NPHS1: variants seen among roughly 807,000 people sequenced by gnomAD.
NPHS1 encodes the protein nephrin.
Under a neutral mutation model 139.7 loss-of-function variants are expected in NPHS1, and 107 were observed. That is an observed-to-expected ratio of 0.77 (90% CI 0.66 to 0.90). NPHS1 has a LOEUF of 0.90. Ranked by LOEUF, NPHS1 falls within the 40% of genes least tolerant of loss-of-function variation. NPHS1 has a pLI of 0.00. For synonymous variants in NPHS1, 707 were observed against 706.6 expected (o/e 1.00, Z -0.01); for missense variants, 1,580 against 1,654.2 (o/e 0.96, Z 0.78).
chr19:35,849,098 A>G lies in NPHS1; in HGVS notation c.890T>C (p.Val297Ala). 6.2e-7 allele frequency: 1 copy of G among 1,608,950 alleles called. No individual in the cohort carries two copies. Among genetic ancestry groups the G allele is most frequent in the Non-Finnish European group, 8.5e-7 (1 of 1,179,414 alleles). Residue 297 changes from valine (V) to alanine (A), a missense_variant, in exon 8 of 29, where the codon GTG becomes GCG. By Grantham distance (64) the Val-to-Ala change is moderately conservative. Coordinates refer to ENST00000378910, the MANE Select transcript of NPHS1 (RefSeq NM_004646.4). ...GGTCATCACCAGCACACTGCGGGCC[A>G]CCGCCTGGGTGTGCTCTGTGCCCCA... Reference protein sequence around the residue: ...TAWGTEHTQAVARSVLVMTVR... With the variant: ...TAWGTEHTQAAARSVLVMTVR...
At position 35,842,212 on chromosome 19, in the gene NPHS1, C is replaced by G. The variant is rs2146819455; in HGVS notation, c.2575G>C (p.Ala859Pro). 1 of 1,612,944 alleles carries G rather than the reference C, an allele frequency of 6.2e-7. No individual in the cohort carries two copies. Among genetic ancestry groups the G allele is most frequent in the East Asian group, 2.2e-5 (1 of 44,872 alleles). The stretch of plus-strand genomic sequence containing the variant: ...CCTCGGGCACGGCAGTGGAGGGTGG[C>G]AGAACTGGTGCTGTCTCCAGCTGCA... ...VAAAGDSTSS[A>P]TLHCRARGVP... Residue 859 changes from alanine to proline, a missense_variant, in exon 19 of 29, where the codon GCC (alanine) becomes CCC (proline). Ala to Pro is a conservative substitution (Grantham distance 27, BLOSUM62 -1). Coordinates refer to ENST00000378910, the MANE Select transcript of NPHS1 (RefSeq NM_004646.4).
rs746586540 is a variant in NPHS1 at position 35,842,231 on chromosome 19, A to C, written c.2556T>G (p.Ala852=). 17 of 1,613,298 alleles carry C rather than the reference A, an allele frequency of 1.1e-5. No individual in the cohort carries two copies. The highest frequency in any genetic ancestry group is 8.5e-7 in the Non-Finnish European group (1 of 1,179,860). The change falls in exon 19 of 29, where the codon GCT becomes GCG. Residue 852 remains alanine (A), a synonymous_variant. Transcript: ENST00000378910. The stretch of plus-strand genomic sequence containing the variant: ...GGGTGGCAGAACTGGTGCTGTCTCC[A>C]GCTGCAGCCACCTTAGTTAGGGGAG... ...HPTPLTKVAA[A]GDSTSSATLH...
At chr19:35,834,895 T>TA (rs1320346109) in intron 23 of NPHS1, among the ~76,000 whole-genome samples, 1 of 117,046 alleles carries the variant, frequency 8.5e-6, no homozygotes, top group Non-Finnish European at 1.8e-5. Flanking sequence ...TCTCAAAAAA[T>TA]AAAAAAATAA....
Position 35,844,409 on chromosome 19 carries a change from G to T in NPHS1, c.1981C>A (p.Gln661Lys). 2 of 1,606,750 alleles carry T rather than the reference G, an allele frequency of 1.2e-6. No individual in the cohort carries two copies. Among genetic ancestry groups the T allele is most frequent in the Non-Finnish European group, 1.7e-6 (2 of 1,177,098 alleles). ...EQVLVVTAVE[Q>K]GEALLPVSVS... ...GACACGGGCAGCAACGCCTCGCCCTGCTCCACCGCGGTCACCACCAGCACC... is the reference window on the plus strand; with the variant it reads ...GACACGGGCAGCAACGCCTCGCCCTTCTCCACCGCGGTCACCACCAGCACC... Residue 661 changes from glutamine to lysine, a missense_variant, in exon 15 of 29, where the codon CAG becomes AAG. Gln to Lys is a moderately conservative substitution (Grantham distance 53). Coordinates refer to ENST00000378910, the MANE Select transcript of NPHS1 (RefSeq NM_004646.4).
At chr19:35,849,424 C>A in intron 6 of NPHS1, 61 bp from the exon 7 acceptor site, 8 of 1,600,562 alleles carry the variant, frequency 5.0e-6, no homozygotes, top group Middle Eastern at 2.0e-4. Flanking sequence ...CCAGGCCCCA[C>A]AACCTGCCTT....
chr19:35,836,063 A>C (rs1353330770), intron 22 of NPHS1, among the ~76,000 whole-genome samples: 2 of 145,754 alleles, frequency 1.4e-5, no homozygotes, highest in Non-Finnish European at 1.5e-5. Flanking sequence ...GGGTTCAAGC[A>C]ATTCTCCTGC....
At chr19:35,844,490 T>C (rs1425882063) in intron 14 of NPHS1, 31 bp from the exon 15 acceptor site, 3 of 1,429,430 alleles carry the variant, frequency 2.1e-6, no homozygotes, top group African/African-American at 3.7e-5. Context: ...GGAGTCAAGA[T>C]TGTTGTTAAG....
rs577448205 is a variant in NPHS1, at chr19:35,848,843, G to A, written c.1013-49C>T. ...ACTAAGCTGGGCTGGATTTCTCACA[G>A]ACCAGCCCAGACAGAACAGGACTGG... On this transcript the variant is annotated intron_variant, in intron 8 of 28. Coordinates refer to ENST00000378910, the MANE Select transcript of NPHS1 (RefSeq NM_004646.4). The A allele has an allele frequency of 1.2e-5, 19 of 1,612,970 alleles. No individual in the cohort carries two copies. In the Admixed American group the frequency reaches 3.0e-4, roughly 25 times the overall value.
chr19:35,850,291 G>C (rs1973218162), intron 5 of NPHS1, 73 bp downstream of exon 5: 3 of 1,178,814 alleles, frequency 2.5e-6, no homozygotes, highest in African/African-American at 3.0e-5. Context: ...CTTCATGCTT[G>C]CATCCCTGGG....
chr19:35,831,428 C>T lies in NPHS1; in HGVS notation c.3311+48G>A, dbSNP rs113474483. 1,104 of 1,613,562 alleles carry T rather than the reference C, an allele frequency of 6.8e-4. 9 individuals are homozygous for T. The African/African-American group carries it at 0.014, about 20-fold the overall frequency. ...GTGCTGCCCCCCGCCACCAGTCTCC[C>T]CCAAACCTCCCTCAGAGCCTTCTTT... is the stretch of plus-strand genomic sequence containing the variant. On this transcript the variant is annotated intron_variant, in intron 25 of 28. Coordinates refer to ENST00000378910, the MANE Select transcript of NPHS1 (RefSeq NM_004646.4).
At chr19:35,847,358 T>G in intron 11 of NPHS1, among the ~76,000 whole-genome samples, 1 of 135,266 alleles carries the variant, frequency 7.4e-6, no homozygotes, top group East Asian at 2.1e-4. Context: ...TTTTTTTTTT[T>G]TTTTTTTTTT....
chr19:35,831,241 C>T, intron 26 of NPHS1, 55 bp downstream of exon 26: 1 of 1,608,134 alleles, frequency 6.2e-7, no homozygotes. Flanking sequence ...AACGGCAGGG[C>T]TTCAGTCGCC....
At position 35,831,095 on chromosome 19, in the gene NPHS1, G is replaced by T. The variant is rs201410838; in HGVS notation, c.3439C>A (p.Pro1147Thr). The change falls in exon 27 of 29, where the codon CCC (proline) becomes ACC (threonine). Residue 1147 changes from proline to threonine, a missense_variant. Transcript: ENST00000378910. ...TCCTCCTGCGTCGGGGGCAGCTGGGGGCTGAAGTCCCTCAGGGAGCGGTAA... is the reference window on the plus strand; with the variant it reads ...TCCTCCTGCGTCGGGGGCAGCTGGGTGCTGAAGTCCCTCAGGGAGCGGTAA... ...PYYRSLRDFS[P>T]QLPPTQEEVS... The T allele has an allele frequency of 3.0e-5, 48 of 1,614,154 alleles. No homozygotes were observed. The Admixed American group carries it at 4.3e-4, about 15-fold the overall frequency.
rs375349795 is a variant in NPHS1 at position 35,826,604 on chromosome 19, A to T, written c.3636T>A (p.Asp1212Glu). 6.2e-7 allele frequency: 1 copy of T among 1,614,094 alleles called. No individual in the cohort carries two copies. Among genetic ancestry groups the T allele is most frequent in the Non-Finnish European group, 8.5e-7 (1 of 1,180,030 alleles). ...CCACCTGGTCATAGATTCCTCTTGG[A>T]TCCTGATATGTGTCTTCAGGCCAGT... ...DLHWPEDTYQDPRGIYDQVAG... is the reference protein window; with the variant it reads ...DLHWPEDTYQEPRGIYDQVAG... The change falls in exon 29 of 29, where the codon GAT (aspartate) becomes GAA (glutamate). Residue 1212 changes from aspartate (D) to glutamate (E), a missense_variant. Coordinates refer to ENST00000378910, the MANE Select transcript of NPHS1 (RefSeq NM_004646.4).
At chr19:35,848,936 G>A (rs1318394481) in intron 8 of NPHS1, 40 bp downstream of exon 8, 43 of 1,611,146 alleles carry the variant, frequency 2.7e-5, no homozygotes, top group Non-Finnish European at 3.5e-5. Context: ...GGTTCTCTGA[G>A]GCACAGACCG....
At position 35,831,764 on chromosome 19, in the gene NPHS1, TA is replaced by T; in HGVS notation, c.3167-3del. 1 of 1,563,834 alleles carries T rather than the reference TA, an allele frequency of 6.4e-7. No homozygotes were observed. The highest frequency in any genetic ancestry group is 8.7e-7 in the Non-Finnish European group (1 of 1,155,184). ...GCAGCAGGGGCAGCCCCGAGGGTCCTAGGGGTGGAAGATACCCCTCAGTGAA... is the reference window on the plus strand; with the variant it reads ...GCAGCAGGGGCAGCCCCGAGGGTCCTGGGGTGGAAGATACCCCTCAGTGAA... On this transcript the variant is annotated splice_region_variant and splice_polypyrimidine_tract_variant and intron_variant, in intron 23 of 28. Coordinates refer to ENST00000378910, the MANE Select transcript of NPHS1 (RefSeq NM_004646.4).
At chr19:35,832,882 G>T (rs2146809128) in intron 23 of NPHS1, among the ~76,000 whole-genome samples, 2 of 94,634 alleles carry the variant, frequency 2.1e-5, no homozygotes, top group African/African-American at 4.7e-5. Context: ...ATGAGACCCT[G>T]TCTCAAAAAA....
chr19:35,841,619 C>T (rs1440929705), intron 20 of NPHS1, 96 bp downstream of exon 20: 23 of 1,456,156 alleles, frequency 1.6e-5, no homozygotes, highest in Admixed American at 1.4e-4. Context: ...ACAGAACTTC[C>T]GGTTTCAGAA....
At chr19:35,843,701 T>G in intron 16 of NPHS1, 108 bp from the exon 17 acceptor site, 1 of 1,426,030 alleles carries the variant, frequency 7.0e-7, no homozygotes, top group Non-Finnish European at 9.7e-7. Context: ...AAGTTATGGG[T>G]GTGGACACAA....
Sources: gnomAD v4.1 joint callset for allele counts (sites outside exome capture counted in the v4.1 genomes callset) on GRCh38, gnomAD v4.1.1 for gene constraint, MANE v1.5 for transcripts, NCBI Gene and HGNC (gene_info 2026-07-23, HGNC 2026-07-21) for gene names.